The following AGXT variants were observed in gnomAD, a reference collection of about 807,000 sequenced individuals.
AGXT encodes the protein L-alanine: glyoxylate aminotransferase 1.
In AGXT, 41 loss-of-function variants were observed where a neutral mutation model predicts 46.9. That is an observed-to-expected ratio of 0.88 (90% CI 0.68 to 1.14). The LOEUF (loss-of-function observed/expected upper bound fraction) is 1.14. Ranked by LOEUF, AGXT falls within the 50% of genes most tolerant of loss-of-function variation. AGXT has a pLI of 0.00. For synonymous variants in AGXT, 244 were observed against 227.9 expected, an observed-to-expected ratio of 1.07 and a Z score of -0.64; for missense variants, 525 against 522.7, an observed-to-expected ratio of 1.00 and a Z score of -0.04.
Position 240,878,939 on chromosome 2 carries a change from C to A in AGXT, c.*118C>A. 1.8e-6 allele frequency: 2 copies of A among 1,098,766 alleles called. No individual in the cohort carries two copies. Among genetic ancestry groups the A allele is most frequent in the Non-Finnish European group, 2.7e-6 (2 of 748,604 alleles). 68.1% of individuals were successfully genotyped at this position (1,098,766 alleles called of 1,614,324 possible). Reference sequence around the variant, plus strand: ...GGCCTGGGGACAGGAAAGCCACTGACCCAGCCCGGGAGGCAGAACCAGGCA... The same window carrying A: ...GGCCTGGGGACAGGAAAGCCACTGAACCAGCCCGGGAGGCAGAACCAGGCA... On this transcript the variant is annotated 3_prime_UTR_variant, in exon 11 of 11. Coordinates refer to ENST00000307503, the MANE Select transcript of AGXT (RefSeq NM_000030.3).
At chr2:240,877,378 A>T (rs1559571366) in intron 8 of AGXT, 159 bp from the exon 9 acceptor site, 2 of 716,776 alleles carry the variant, frequency 2.8e-6, no homozygotes, top group Non-Finnish European at 5.0e-6. Flanking sequence ...GCCCTGGGGT[A>T]GTCCCAGGCC....
chr2:240,873,239 T>C (rs1043903600), intron 5 of AGXT, 190 bp downstream of exon 5: 9 of 589,362 alleles, frequency 1.5e-5, no homozygotes, highest in Non-Finnish European at 2.4e-5. Flanking sequence ...ACCCCAGTGT[T>C]TCCACTGAGC....
intron 9 of AGXT, 118 bp from the exon 10 acceptor site, chr2:240,877,904 C>A (rs926345513): frequency 2.1e-6 from 3 of 1,441,572 alleles, no homozygotes; most frequent in Non-Finnish European, 2.9e-6. Flanking sequence ...CTCTCCCGGC[C>A]CTTTCTCCCC....
At chr2:240,876,038 G>A (rs200999069) in intron 8 of AGXT, 34 bp downstream of exon 8, 142 of 1,609,502 alleles carry the variant, frequency 8.8e-5, no homozygotes, top group East Asian at 2.7e-4. Context: ...AGGAGACAGG[G>A]CCACTGGCTG....
intron 2 of AGXT, 105 bp from the exon 3 acceptor site, chr2:240,870,538 TG>T: frequency 7.5e-7 from 1 of 1,341,290 alleles, no homozygotes; most frequent in Non-Finnish European, 1.0e-6. Flanking sequence ...CCACGGTGGG[TG>T]GGGTCCAGCC....
In AGXT at chr2:240,871,498, C is replaced by T. The variant is rs1449678881; in HGVS notation, c.524+49C>T. 3.3e-6 allele frequency: 5 copies of T among 1,508,572 alleles called. No homozygotes were observed. In the African/African-American group the frequency reaches 5.5e-5, roughly 17 times the overall value. 93.4% of individuals were successfully genotyped at this position (1,508,572 alleles called of 1,614,324 possible). The stretch of plus-strand genomic sequence containing the variant: ...GACTGGAGCACAGCTCAGAGCCAGG[C>T]TATGGGGAGGGGTGGGCACTGGTCC... On this transcript the variant is annotated intron_variant, in intron 4 of 10. Transcript: ENST00000307503.
Position 240,879,892 on chromosome 2 carries a change from C to T in AGXT, c.*1071C>T. ...TTTCACTTACTGTTTTTGACACTCA[C>T]ATGTACCGTCGTGGGCGCCGGTGTG... On this transcript the variant is annotated 3_prime_UTR_variant, in exon 11 of 11. Coordinates refer to ENST00000307503, the MANE Select transcript of AGXT (RefSeq NM_000030.3). The T allele has an allele frequency of 6.6e-6, 1 of 152,238 alleles. No individual in the cohort carries two copies. Among genetic ancestry groups the T allele is most frequent in the East Asian group, 1.9e-4 (1 of 5,194 alleles). The allele number at this position is 152,238 out of a possible 1,614,324, so 9.4% of individuals were successfully genotyped here.
At chr2:240,878,618 A>G in intron 10 of AGXT, 96 bp from the exon 11 acceptor site, 1 of 1,195,890 alleles carries the variant, frequency 8.4e-7, no homozygotes, top group South Asian at 1.3e-5. Context: ...GGTGGTCCTC[A>G]CTCAGGTGAG....
At position 240,870,660 on chromosome 2, in the gene AGXT, G is replaced by A. The variant is rs754716643; in HGVS notation, c.375G>A (p.Pro125=). 6 of 1,554,130 alleles carry A rather than the reference G, an allele frequency of 3.9e-6. No homozygotes were observed. Among genetic ancestry groups the A allele is most frequent in the South Asian group, 1.2e-5 (1 of 84,304 alleles). Residue 125 remains proline, a synonymous_variant, in exon 3 of 11, where the codon CCG becomes CCA. Coordinates refer to ENST00000307503, the MANE Select transcript of AGXT (RefSeq NM_000030.3). ...TGCACCCAGGAGCCCGAGTGCACCC[G>A]ATGACCAAGGACCCTGGAGGCCACT... is the stretch of plus-strand genomic sequence containing the variant. The part of the protein sequence containing the change: ...IGERIGARVH[P]MTKDPGGHYT...
intron 8 of AGXT, 35 bp from the exon 9 acceptor site, chr2:240,877,502 C>A: frequency 1.3e-6 from 2 of 1,523,602 alleles, no homozygotes; most frequent in Non-Finnish European, 8.9e-7. Flanking sequence ...CCACCCCACC[C>A]ATGTCACTGC....
At position 240,877,644 on chromosome 2, in the gene AGXT, C is replaced by A; in HGVS notation, c.942+12C>A. 6.5e-7 allele frequency: 1 copy of A among 1,550,336 alleles called. No individual in the cohort carries two copies. Among genetic ancestry groups the A allele is most frequent in the South Asian group, 1.2e-5 (1 of 84,066 alleles). On this transcript the variant is annotated intron_variant, in intron 9 of 10. Coordinates refer to ENST00000307503, the MANE Select transcript of AGXT (RefSeq NM_000030.3). ...TCGTGAAGGACCCGGTAAGGAGGCCCCTGGCATTGGGCAGCCCTGCACCCA... is the reference window on the plus strand; with the variant it reads ...TCGTGAAGGACCCGGTAAGGAGGCCACTGGCATTGGGCAGCCCTGCACCCA...
rs1457882520 is a variant in AGXT at position 240,879,285 on chromosome 2, A to T, written c.*464A>T. 2 of 222,772 alleles carry T rather than the reference A, an allele frequency of 9.0e-6. No homozygotes were observed. Among genetic ancestry groups the T allele is most frequent in the Non-Finnish European group, 1.8e-5 (2 of 111,624 alleles). 13.8% of individuals were successfully genotyped at this position (222,772 alleles called of 1,614,324 possible). ...TCTAGCCCCAGATGTCACACCCCCA[A>T]ACGTCCTCACGCACCACATCCAGGT... On this transcript the variant is annotated 3_prime_UTR_variant, in exon 11 of 11. Coordinates refer to ENST00000307503, the MANE Select transcript of AGXT (RefSeq NM_000030.3).
At chr2:240,877,244 C>A in intron 8 of AGXT, 1 of 599,856 alleles carries the variant, frequency 1.7e-6, no homozygotes, top group Middle Eastern at 2.6e-4. Flanking sequence ...CCCTTCCCCT[C>A]CTTGCCCAGT....
chr2:240,869,821 G>A lies in AGXT; in HGVS notation c.358+459G>A, dbSNP rs987068899. On this transcript the variant is annotated intron_variant, in intron 2 of 10. Transcript: ENST00000307503. ...ATATGGAGGTATGGGCAGAGTATTC[G>A]CCTCCGGAGTACACTTTTCTGGGAG... is the stretch of plus-strand genomic sequence containing the variant. Among the ~76,000 whole-genome samples, 9 of 152,318 alleles carry A rather than the reference G, an allele frequency of 5.9e-5. 1 individual carries two copies. In the South Asian group the frequency reaches 1.5e-3, roughly 25 times the overall value.
At chr2:240,872,357 AGGC>A (rs368904829) in intron 4 of AGXT, among the ~76,000 whole-genome samples, 1,035 of 43,042 alleles carry the variant, frequency 0.024, no homozygotes, top group African/African-American at 0.034. Context: ...GTGAACATGC[AGGC>A]GGAGGAGGGT....
intron 6 of AGXT, among the ~76,000 whole-genome samples, chr2:240,874,605 G>A (rs1180886589): frequency 1.3e-5 from 2 of 152,234 alleles, no homozygotes; most frequent in Non-Finnish European, 2.9e-5. Flanking sequence ...CAGGAATTCG[G>A]TGTTGGACGT....
chr2:240,875,902 T>C (rs1246614018), intron 7 of AGXT, 33 bp from the exon 8 acceptor site: 1 of 1,610,144 alleles, frequency 6.2e-7, no homozygotes, highest in Non-Finnish European at 8.5e-7. Flanking sequence ...ACCCTGCCCA[T>C]GGTGCTGGAC....
intron 4 of AGXT, among the ~76,000 whole-genome samples, chr2:240,872,356 C>CAGGTGGAGGAGAGTTCGTGAACATGT (rs2058996140): frequency 3.1e-5 from 1 of 32,222 alleles, no homozygotes; most frequent in Non-Finnish European, 8.3e-5. Context: ...CGTGAACATG[C>CAGGTGGAGGAGAGTTCGTGAACATGT]AGGCGGAGGA....
chr2:240,875,115 G>T lies in AGXT; in HGVS notation c.687G>T (p.Lys229Asn), dbSNP rs770627873. The change falls in exon 7 of 11, where the codon AAG (lysine) becomes AAT (asparagine). Residue 229 changes from lysine (K) to asparagine (N), a missense_variant. Lys to Asn is a moderately conservative substitution (Grantham distance 94, BLOSUM62 0). Transcript: ENST00000307503. ...CCTGCTTCTTTCTCCCCAGAAAGAA[G>T]ATGTACTCCCGCAAGACGAAGCCCT... ...LISFSDKAKK[K>N]MYSRKTKPFS... 6.2e-7 allele frequency: 1 copy of T among 1,611,800 alleles called. No individual in the cohort carries two copies. The highest frequency in any genetic ancestry group is 1.1e-5 in the South Asian group (1 of 91,030).
Sources: allele counts gnomAD v4.1 joint callset (sites outside exome capture counted in the v4.1 genomes callset), GRCh38; gene constraint gnomAD v4.1.1; transcripts MANE v1.5; gene names NCBI Gene and HGNC (gene_info 2026-07-23, HGNC 2026-07-21).